METTL15: variants seen among roughly 807,000 people sequenced by gnomAD.
METTL15 encodes 12S rRNA N(4)-cytidine methyltransferase METTL15.
In METTL15, 34 loss-of-function variants were observed where a neutral mutation model predicts 38.3. The ratio of observed to expected loss-of-function variants is 0.89; its 90% CI spans 0.68 to 1.18. The LOEUF (loss-of-function observed/expected upper bound fraction) is 1.18. Among genes scored for constraint, METTL15 ranks in the 50% most tolerant of loss-of-function variants. The pLI is 0.00. For synonymous variants in METTL15, 162 were observed against 170.9 expected, an observed-to-expected ratio of 0.95 and a Z score of 0.41; for missense variants, 438 against 498.4, an observed-to-expected ratio of 0.88 and a Z score of 1.15.
intron 3 of METTL15, among the ~76,000 whole-genome samples, chr11:28,349,258 T>C (rs1436708887): frequency 1.3e-5 from 1 of 77,132 alleles, no homozygotes; most frequent in Non-Finnish European, 2.5e-5. Context: ...CTGCTCAATC[T>C]CCCTGGGTGT....
At chr11:28,234,317 C>T (rs1321235601) in intron 4 of METTL15, among the ~76,000 whole-genome samples, 2 of 151,648 alleles carry the variant, frequency 1.3e-5, no homozygotes, top group Non-Finnish European at 2.9e-5. Flanking sequence ...TGGGTATATA[C>T]CCAGTAATGG....
rs925429618 is a variant in METTL15 at position 28,511,281 on chromosome 11, A to G, written c.*425-15197A>G. ...CTGGTGTTGACCTGAAGTCTTATTG[A>G]TAACATAAACAGTTTATTAACATGT... On this transcript the variant is annotated intron_variant and NMD_transcript_variant, in intron 6 of 7. Transcript: ENST00000532947. Among the ~76,000 whole-genome samples, 15 of 152,218 alleles carry G rather than the reference A, an allele frequency of 9.9e-5. No homozygotes were observed. The East Asian group carries it at 2.9e-3, about 29-fold the overall frequency.
chr11:28,395,139 A>G (rs537941171), intron 5 of METTL15, among the ~76,000 whole-genome samples: 3 of 152,160 alleles, frequency 2.0e-5, no homozygotes, highest in African/African-American at 7.2e-5. Flanking sequence ...TTTGCCCACA[A>G]TTCCCTTTTG....
At chr11:28,204,769 GATAA>G (rs1305127406) in intron 3 of METTL15, among the ~76,000 whole-genome samples, 6 of 151,844 alleles carry the variant, frequency 4.0e-5, no homozygotes, top group Admixed American at 6.6e-5. Flanking sequence ...ATCTCTGTAA[GATAA>G]ATAGAGGTAC....
chr11:28,344,335 C>T (rs574828564), intron 3 of METTL15, among the ~76,000 whole-genome samples: 6 of 152,210 alleles, frequency 3.9e-5, no homozygotes, highest in South Asian at 2.1e-4. Context: ...ATATCTTCCT[C>T]GAATTAGGAT....
chr11:28,486,404 C>A (rs937064536), intron 6 of METTL15, among the ~76,000 whole-genome samples: 5 of 149,178 alleles, frequency 3.4e-5, no homozygotes, highest in African/African-American at 4.9e-5. Context: ...TTTTTTTTTT[C>A]TCTGCCTCTC....
At chr11:28,157,929 A>C (rs1275873915) in intron 3 of METTL15, among the ~76,000 whole-genome samples, 1 of 152,198 alleles carries the variant, frequency 6.6e-6, no homozygotes, top group Non-Finnish European at 1.5e-5. Context: ...CAGCTGCAGC[A>C]CTACAGCCCT....
At chr11:28,261,616 G>A (rs1472366205) in intron 4 of METTL15, 1 of 152,162 alleles carries the variant, frequency 6.6e-6, no homozygotes, top group Non-Finnish European at 1.5e-5. Context: ...TGCTCATGAT[G>A]TAAGAGATAA....
chr11:28,411,276 G>A (rs1158562522), intron 5 of METTL15, among the ~76,000 whole-genome samples: 4 of 151,576 alleles, frequency 2.6e-5, no homozygotes, highest in African/African-American at 4.8e-5. Flanking sequence ...CAAAAAAATC[G>A]CCAATAGCCA....
chr11:28,320,800 A>G (rs1849438066), intron 6 of METTL15, among the ~76,000 whole-genome samples: 2 of 152,212 alleles, frequency 1.3e-5, no homozygotes, highest in South Asian at 2.1e-4. Flanking sequence ...AATCCTTAGC[A>G]TCAATTACCA....
intron 5 of METTL15, among the ~76,000 whole-genome samples, chr11:28,374,844 A>G (rs988111175): frequency 2.3e-4 from 34 of 147,744 alleles, no homozygotes; most frequent in African/African-American, 5.4e-4. Context: ...CGTCCCATCA[A>G]TACCTAATTT....
intron 6 of METTL15, among the ~76,000 whole-genome samples, chr11:28,435,184 G>T (rs1490064340): frequency 6.6e-6 from 1 of 152,084 alleles, no homozygotes; most frequent in Admixed American, 6.5e-5. Context: ...TCTTCAAGTT[G>T]GGGCATCCTA....
chr11:28,483,208 C>T (rs924978230), intron 6 of METTL15, among the ~76,000 whole-genome samples: 3 of 152,124 alleles, frequency 2.0e-5, no homozygotes, highest in Non-Finnish European at 4.4e-5. Context: ...TTTGAGCTCA[C>T]TACATGTTGC....
rs1421603160 is a variant in METTL15 at position 28,367,611 on chromosome 11, A to G, written c.*358+5575A>G. ...TGGAAAAAACTACTTTAAACGTCAT[A>G]TGGAACCAAAAAAGAGCCTGCATAG... On this transcript the variant is annotated intron_variant and NMD_transcript_variant, in intron 5 of 7. Coordinates refer to the METTL15 transcript ENST00000532947. Among the ~76,000 whole-genome samples, 3 of 152,174 alleles carry G rather than the reference A, an allele frequency of 2.0e-5. No homozygotes were observed. In the East Asian group the frequency reaches 5.8e-4, roughly 29 times the overall value.
At chr11:28,477,570 A>G (rs1851357683) in intron 6 of METTL15, 2 of 152,204 alleles carry the variant, frequency 1.3e-5, no homozygotes, top group Admixed American at 6.5e-5. Flanking sequence ...CTGTCTCACA[A>G]CTAACATAAA....
At chr11:28,268,583 A>C (rs1855524474) in intron 4 of METTL15, among the ~76,000 whole-genome samples, 1 of 152,166 alleles carries the variant, frequency 6.6e-6, no homozygotes, top group Non-Finnish European at 1.5e-5. Context: ...AATGGGGTAC[A>C]TCCTTCAGGG....
chr11:28,155,649 A>T (rs1850238755), intron 3 of METTL15, among the ~76,000 whole-genome samples: 1 of 152,178 alleles, frequency 6.6e-6, no homozygotes, highest in Admixed American at 6.6e-5. Flanking sequence ...AGAATGGGCA[A>T]TGCAGGGAAG....
rs560841528 is a variant in METTL15 at position 28,351,349 on chromosome 11, A to G, written c.*190-741A>G. ...TGGTCTCAAACTCCTGAGCTCAGGC[A>G]ATCCAGTCCACCCACCTCAGCCTCC... is the stretch of plus-strand genomic sequence containing the variant. On this transcript the variant is annotated intron_variant and NMD_transcript_variant, in intron 3 of 7. Transcript: ENST00000532947. Among the ~76,000 whole-genome samples, 15 of 152,192 alleles carry G rather than the reference A, an allele frequency of 9.9e-5. No homozygotes were observed. The East Asian group carries it at 2.9e-3, about 30-fold the overall frequency.
chr11:28,125,390 T>C (rs1215973635), intron 3 of METTL15: 4 of 151,596 alleles, frequency 2.6e-5, no homozygotes, highest in Non-Finnish European at 5.9e-5. Flanking sequence ...GAAATCTGTG[T>C]ATAGATTGAC....
Sources: gnomAD v4.1 joint callset for allele counts (sites outside exome capture counted in the v4.1 genomes callset) on GRCh38, gnomAD v4.1.1 for gene constraint, MANE v1.5 for transcripts, NCBI Gene and HGNC (gene_info 2026-07-23, HGNC 2026-07-21) for gene names.